F5: variants seen among roughly 807,000 people sequenced by gnomAD.
The protein encoded by F5 is coagulation factor V, also known as activated protein c cofactor.
F5 carries 138 observed loss-of-function variants against 216.4 expected under a neutral mutation model. That is an observed-to-expected ratio of 0.64 (90% confidence interval 0.56 to 0.73). The LOEUF (loss-of-function observed/expected upper bound fraction) is 0.73. Ranked by LOEUF, F5 falls within the 30% of genes least tolerant of loss-of-function variation. The pLI is 0.00. For synonymous variants in F5, 916 were observed against 930.7 expected, an observed-to-expected ratio of 0.98 and a Z score of 0.29; for missense variants, 2,403 against 2,674.0, an observed-to-expected ratio of 0.90 and a Z score of 2.24.
intron 3 of F5, among the ~76,000 whole-genome samples, chr1:169,569,950 TGGA>T (rs949329632): frequency 2.6e-5 from 4 of 152,024 alleles, no homozygotes; most frequent in Admixed American, 6.6e-5. Context: ...GTGTCAGACA[TGGA>T]GGAGGAGATG....
chr1:169,581,554 TGAA>T (rs1660987457), intron 2 of F5, among the ~76,000 whole-genome samples: 1 of 152,042 alleles, frequency 6.6e-6, no homozygotes, highest in Non-Finnish European at 1.5e-5. Context: ...GACTAAATAT[TGAA>T]GATTAAAGGA....
chr1:169,520,968 G>A (rs1014501963), intron 21 of F5, among the ~76,000 whole-genome samples: 1 of 152,134 alleles, frequency 6.6e-6, no homozygotes, highest in African/African-American at 2.4e-5. Flanking sequence ...ACAAAATGGT[G>A]ATCAGTGTCT....
In F5 at chr1:169,544,298, A is replaced by G. The variant is rs760114041; in HGVS notation, c.1973T>C (p.Val658Ala). 2 of 1,613,770 alleles carry G rather than the reference A, an allele frequency of 1.2e-6. No individual in the cohort carries two copies. The highest frequency in any genetic ancestry group is 1.7e-5 in the Admixed American group (1 of 60,008). The change falls in exon 12 of 25, where the codon GTT becomes GCT. Residue 658 changes from valine to alanine, a missense_variant and splice_region_variant. This residue lies in a region of F5 where 1,425 missense variants were observed against 1,554.8 expected (regional missense o/e 0.92). Coordinates refer to ENST00000367797, the MANE Select transcript of F5 (RefSeq NM_000130.5). ...GESVTVTMDNVGTWMLTSMNS... is the reference protein window; with the variant it reads ...GESVTVTMDNAGTWMLTSMNS... Reference sequence around the variant, plus strand: ...TGAGTGTCCAGACTCTTACTCACCAACATTATCCATTGTGACCGTCACAGA... The same window carrying G: ...TGAGTGTCCAGACTCTTACTCACCAGCATTATCCATTGTGACCGTCACAGA...
chr1:169,515,253 G>T (rs939925728), intron 24 of F5, among the ~76,000 whole-genome samples, 191 bp downstream of exon 24: 1 of 152,068 alleles, frequency 6.6e-6, no homozygotes, highest in Admixed American at 6.6e-5. Context: ...GCAACCTGGT[G>T]TAGTGAGAAA....
chr1:169,575,368 C>G (rs935295817), intron 2 of F5, among the ~76,000 whole-genome samples: 1 of 152,194 alleles, frequency 6.6e-6, no homozygotes, highest in Non-Finnish European at 1.5e-5. Flanking sequence ...AGAGTCCCAT[C>G]ATGCAGGGCT....
At position 169,528,104 on chromosome 1, in the gene F5, C is replaced by G. The variant is rs961825940; in HGVS notation, c.5420-10G>C. The G allele has an allele frequency of 1.2e-6, 2 of 1,613,472 alleles. No homozygotes were observed. Among genetic ancestry groups the G allele is most frequent in the Admixed American group, 1.7e-5 (1 of 59,950 alleles). ...ATCATCCCATTAATGGCTGAAAGGACAAAGAGTTGAAATCAATTAAAAATC... is the reference window on the plus strand; with the variant it reads ...ATCATCCCATTAATGGCTGAAAGGAGAAAGAGTTGAAATCAATTAAAAATC... On this transcript the variant is annotated splice_polypyrimidine_tract_variant and intron_variant, in intron 16 of 24. Coordinates refer to ENST00000367797, the MANE Select transcript of F5 (RefSeq NM_000130.5).
chr1:169,539,702 T>C lies in F5; in HGVS notation c.4796+592A>G, dbSNP rs114462822. Among the ~76,000 whole-genome samples the C allele has an allele frequency of 9.8e-3, 1,490 of 152,300 alleles. 18 individuals are homozygous for C. Among genetic ancestry groups the C allele is most frequent in the African/African-American group, 0.035 (1,438 of 41,562 alleles). On this transcript the variant is annotated intron_variant, in intron 13 of 24. Coordinates refer to ENST00000367797, the MANE Select transcript of F5 (RefSeq NM_000130.5). ...CTAGACAGCTGATGCACAGTCATCA[T>C]GCTATATCCCTGAGAATTTGTAGTT...
At chr1:169,567,741 G>A (rs570593806) in intron 3 of F5, among the ~76,000 whole-genome samples, 213 of 152,186 alleles carry the variant, frequency 1.4e-3, no homozygotes, top group African/African-American at 4.8e-3. Flanking sequence ...CAGGCTCTGT[G>A]CTAAATGCCA....
At chr1:169,557,008 G>A (rs1660347549) in intron 5 of F5, 141 bp from the exon 6 acceptor site, 2 of 745,956 alleles carry the variant, frequency 2.7e-6, no homozygotes, top group East Asian at 5.8e-5. Flanking sequence ...CACTCCAGTT[G>A]TAGTTTGTGC....
intron 3 of F5, among the ~76,000 whole-genome samples, chr1:169,564,790 T>C (rs724507): frequency 0.3 from 46,160 of 151,916 alleles, 8,969 homozygotes; most frequent in East Asian, 0.65. Context: ...GTTTGGATTC[T>C]CCAGGTGGGA....
chr1:169,543,010 C>T lies in F5; in HGVS notation c.2080G>A (p.Glu694Lys). Residue 694 changes from glutamate (E) to lysine (K), a missense_variant, in exon 13 of 25, where the codon GAG (glutamate) becomes AAG (lysine). Physicochemically the swap from Glu to Lys is moderately conservative, Grantham distance 56 (BLOSUM62 1). This residue lies in a region of F5 where 1,425 missense variants were observed against 1,554.8 expected (regional missense o/e 0.92). Coordinates refer to ENST00000367797, the MANE Select transcript of F5 (RefSeq NM_000130.5). ...CIPDDDEDSY[E>K]IFEPPESTVM... ...GTAGATTCTGGAGGTTCAAAAATCT[C>T]ATATGAGTCTTCATCATCATCTGGG... is the stretch of plus-strand genomic sequence containing the variant. 6.2e-7 allele frequency: 1 copy of T among 1,614,064 alleles called. No individual in the cohort carries two copies.
At chr1:169,564,141 G>T (rs551429876) in intron 3 of F5, among the ~76,000 whole-genome samples, 1 of 152,124 alleles carries the variant, frequency 6.6e-6, no homozygotes, top group African/African-American at 2.4e-5. Flanking sequence ...GTCTTTCTAT[G>T]TTTGATGGTA....
Position 169,582,509 on chromosome 1 carries a change from C to G in F5, c.172G>C (p.Val58Leu). The G allele has an allele frequency of 6.5e-7, 1 of 1,532,300 alleles. No homozygotes were observed. The highest frequency in any genetic ancestry group is 9.0e-7 in the Non-Finnish European group (1 of 1,110,816). The allele number at this position is 1,532,300 out of a possible 1,614,324, so 94.9% of individuals were successfully genotyped here. Reference protein sequence around the residue: ...EPTNSSLNLSVTSFKKIVYRE... With the variant: ...EPTNSSLNLSLTSFKKIVYRE... ...TAGACAATTTTCTTAAAGGAAGTTA[C>G]AGAAAGATTCAAACTGGAAATAAAA... Residue 58 changes from valine (V) to leucine (L), a missense_variant, in exon 2 of 25, where the codon GTA becomes CTA. Coordinates refer to ENST00000367797, the MANE Select transcript of F5 (RefSeq NM_000130.5).
intron 3 of F5, among the ~76,000 whole-genome samples, chr1:169,567,729 T>C (rs1428935130): frequency 6.6e-6 from 1 of 152,080 alleles, no homozygotes; most frequent in Non-Finnish European, 1.5e-5. Flanking sequence ...TCCACTAGGT[T>C]CCAGGCTCTG....
chr1:169,544,156 G>A, intron 12 of F5, 140 bp downstream of exon 12: 4 of 717,596 alleles, frequency 5.6e-6, no homozygotes, highest in Non-Finnish European at 9.8e-6. Context: ...GAGAAATCAT[G>A]AGAAACATTG....
intron 6 of F5, among the ~76,000 whole-genome samples, chr1:169,556,074 C>T (rs9332579): frequency 0.19 from 29,095 of 151,992 alleles, 4,117 homozygotes; most frequent in African/African-American, 0.4. Context: ...TTTGTTTACA[C>T]GATACCACAT....
At chr1:169,561,805 C>G (rs1660492935) in intron 3 of F5, among the ~76,000 whole-genome samples, 1 of 152,030 alleles carries the variant, frequency 6.6e-6, no homozygotes, top group Admixed American at 6.6e-5. Flanking sequence ...GGGAAAAAAG[C>G]CTGAAATGTT....
chr1:169,515,489 T>C lies in F5; in HGVS notation c.6483A>G (p.Gly2161=). Residue 2161 remains glycine (G), a synonymous_variant, in exon 24 of 25, where the codon GGA becomes GGG. Coordinates refer to ENST00000367797, the MANE Select transcript of F5 (RefSeq NM_000130.5). ...KSYTIHYSEQ[G]VEWKPYRLKS... is the part of the protein sequence containing the mutation. ...TCAGCCTGTATGGTTTCCATTCCAC[T>C]CCCTGCTCACTGTAGTGGATGGTAT... 6.2e-7 allele frequency: 1 copy of C among 1,613,578 alleles called. No homozygotes were observed. The highest frequency in any genetic ancestry group is 8.5e-7 in the Non-Finnish European group (1 of 1,179,666).
intron 4 of F5, among the ~76,000 whole-genome samples, chr1:169,559,864 T>A (rs183366617): frequency 2.0e-5 from 3 of 151,068 alleles, no homozygotes; most frequent in Admixed American, 2.0e-4. Flanking sequence ...GTATAATGAG[T>A]AAATACATTG....
Sources: allele counts gnomAD v4.1 joint callset (sites outside exome capture counted in the v4.1 genomes callset), GRCh38; gene constraint gnomAD v4.1.1; regional missense constraint gnomAD v4.1.1; transcripts MANE v1.5; gene names NCBI Gene and HGNC (gene_info 2026-07-23, HGNC 2026-07-21).